The following HECW1 variants were observed in gnomAD, a reference collection of about 807,000 sequenced individuals.
HECW1 encodes E3 ubiquitin-protein ligase HECW1.
HECW1 carries 61 observed loss-of-function variants against 182.3 expected under a neutral mutation model. The ratio of observed to expected loss-of-function variants is 0.33; its 90% CI spans 0.27 to 0.41. HECW1 has a LOEUF of 0.41. HECW1 is among the 10% of genes least tolerant of loss of function. The pLI, the probability that HECW1 is intolerant of heterozygous loss-of-function variation, is 1.00. For missense variants in HECW1, 1,739 were observed against 2,108.9 expected (o/e 0.82, Z 3.44); for synonymous variants, 859 against 832.6 (o/e 1.03, Z -0.55).
At chr7:43,168,274 G>C (rs1246896691) in intron 2 of HECW1, among the ~76,000 whole-genome samples, 1 of 152,156 alleles carries the variant, frequency 6.6e-6, no homozygotes, top group Non-Finnish European at 1.5e-5. Context: ...GAGAGACAGA[G>C]AGAGAGAGAC....
At chr7:43,394,486 T>C (rs535556793) in intron 6 of HECW1, among the ~76,000 whole-genome samples, 64 of 152,310 alleles carry the variant, frequency 4.2e-4, no homozygotes, top group African/African-American at 1.5e-3. Flanking sequence ...TGATGTTAAC[T>C]GGGAGAATAA....
At chr7:43,503,161 G>A (rs1298908267) in intron 21 of HECW1, among the ~76,000 whole-genome samples, 1 of 152,190 alleles carries the variant, frequency 6.6e-6, no homozygotes, top group Non-Finnish European at 1.5e-5. Flanking sequence ...AAGGAAATGT[G>A]CAATGCTTGC....
chr7:43,511,301 C>T (rs1362656757), intron 24 of HECW1: 1 of 152,164 alleles, frequency 6.6e-6, no homozygotes, highest in Non-Finnish European at 1.5e-5. Context: ...CTTTCTGAGC[C>T]GACTAGCAAT....
chr7:43,239,684 G>A (rs1218996039), intron 2 of HECW1, among the ~76,000 whole-genome samples: 1 of 152,206 alleles, frequency 6.6e-6, no homozygotes, highest in Non-Finnish European at 1.5e-5. Flanking sequence ...TTTTGTGAGG[G>A]GCACTTGCCC....
At chr7:43,217,744 A>G (rs1212695130) in intron 2 of HECW1, among the ~76,000 whole-genome samples, 1 of 152,198 alleles carries the variant, frequency 6.6e-6, no homozygotes. Flanking sequence ...GTCCTTACAC[A>G]GCTCTTGGCG....
intron 2 of HECW1, among the ~76,000 whole-genome samples, chr7:43,191,732 TTTTACA>T (rs1793934229): frequency 6.6e-6 from 1 of 152,228 alleles, no homozygotes; most frequent in Non-Finnish European, 1.5e-5. Flanking sequence ...CTATGTATGC[TTTTACA>T]TTGCTTAAGT....
chr7:43,425,744 A>C (rs1038657924), intron 8 of HECW1, among the ~76,000 whole-genome samples: 1 of 152,166 alleles, frequency 6.6e-6, no homozygotes, highest in African/African-American at 2.4e-5. Context: ...CCTTTTTATC[A>C]TGAACCCATT....
At chr7:43,416,614 A>G (rs371366052) in intron 8 of HECW1, among the ~76,000 whole-genome samples, 52,919 of 143,636 alleles carry the variant, frequency 0.37, 9,905 homozygotes, top group Middle Eastern at 0.47. Flanking sequence ...AATGGCGGGC[A>G]CCCCTCCCCC....
chr7:43,295,286 G>T lies in HECW1; in HGVS notation c.28-16477G>T, dbSNP rs922086428. On this transcript the variant is annotated intron_variant, in intron 3 of 29. Transcript: ENST00000395891. ...TTTATAGTTGTGAGGGAGGTATATA[G>T]CTTTTTTATAATTGTGAGGGGGGTA... 4.6e-5 allele frequency among the ~76,000 whole-genome samples: 7 copies of T among 152,150 alleles called. No homozygotes were observed. In the South Asian group the frequency reaches 1.5e-3, roughly 32 times the overall value.
chr7:43,186,129 TA>T (rs544682471), intron 2 of HECW1, among the ~76,000 whole-genome samples: 723 of 152,296 alleles, frequency 4.7e-3, no homozygotes, highest in Non-Finnish European at 8.1e-3. Context: ...ATTTCATGCT[TA>T]GAGGTCACCT....
intron 3 of HECW1, among the ~76,000 whole-genome samples, chr7:43,299,295 G>A (rs1806439024): frequency 6.6e-6 from 1 of 152,170 alleles, no homozygotes. Flanking sequence ...CGGTGGGAGA[G>A]GCCGTGGGGC....
chr7:43,397,624 G>T (rs2075273413), intron 7 of HECW1, among the ~76,000 whole-genome samples: 1 of 152,164 alleles, frequency 6.6e-6, no homozygotes, highest in Non-Finnish European at 1.5e-5. Context: ...ACATTTCAAG[G>T]GTGGGGAGAA....
At chr7:43,297,943 A>G (rs1806250663) in intron 3 of HECW1, among the ~76,000 whole-genome samples, 1 of 152,174 alleles carries the variant, frequency 6.6e-6, no homozygotes, top group African/African-American at 2.4e-5. Flanking sequence ...ACATGATAGT[A>G]CATGACGGTG....
At chr7:43,407,000 G>T (rs1310757972) in intron 7 of HECW1, among the ~76,000 whole-genome samples, 1 of 151,638 alleles carries the variant, frequency 6.6e-6, no homozygotes, top group African/African-American at 2.4e-5. Context: ...TGCCTTAAAT[G>T]ACCTTGTGCA....
chr7:43,126,211 C>T (rs1420814997), intron 2 of HECW1, among the ~76,000 whole-genome samples: 1 of 151,346 alleles, frequency 6.6e-6, no homozygotes, highest in African/African-American at 2.4e-5. Flanking sequence ...TCTATTTTCT[C>T]TTGTCCATAA....
intron 2 of HECW1, among the ~76,000 whole-genome samples, chr7:43,180,243 G>A (rs1792696279): frequency 6.6e-6 from 1 of 152,212 alleles, no homozygotes; most frequent in Non-Finnish European, 1.5e-5. Context: ...CTGCACTGTG[G>A]CTCCTGGGAC....
intron 24 of HECW1, among the ~76,000 whole-genome samples, chr7:43,539,035 A>T (rs900214696): frequency 2.6e-5 from 4 of 152,222 alleles, no homozygotes; most frequent in Non-Finnish European, 5.9e-5. Context: ...GTAACCAAAA[A>T]AAAGTGGTAT....
chr7:43,392,178 C>T (rs144550324), intron 6 of HECW1, among the ~76,000 whole-genome samples: 1 of 152,296 alleles, frequency 6.6e-6, no homozygotes, highest in East Asian at 1.9e-4. Flanking sequence ...GACTCAGTGA[C>T]ATAATGAATT....
intron 24 of HECW1, among the ~76,000 whole-genome samples, chr7:43,537,409 T>C (rs564073689): frequency 5.9e-5 from 9 of 152,368 alleles, no homozygotes; most frequent in African/African-American, 2.2e-4. Flanking sequence ...GGAAAAGTAT[T>C]TTCTTTCTGT....
Sources: allele counts gnomAD v4.1 joint callset (sites outside exome capture counted in the v4.1 genomes callset), GRCh38; gene constraint gnomAD v4.1.1; transcripts MANE v1.5; gene names NCBI Gene and HGNC (gene_info 2026-07-23, HGNC 2026-07-21).